Variants in DGKG observed in about 807,000 individuals in gnomAD.
DGKG encodes diacylglycerol kinase gamma, also known as DAG kinase gamma.
DGKG carries 78 observed loss-of-function variants against 105.3 expected under a neutral mutation model. That is an observed-to-expected ratio of 0.74 (90% confidence interval 0.62 to 0.89). The LOEUF is 0.89. Among genes scored for constraint, DGKG ranks in the 40% least tolerant of loss-of-function variants. The pLI, the probability that DGKG is intolerant of heterozygous loss-of-function variation, is 0.00. For synonymous variants in DGKG, 346 were observed against 367.1 expected, an observed-to-expected ratio of 0.94 and a Z score of 0.66; for missense variants, 958 against 1,020.1, an observed-to-expected ratio of 0.94 and a Z score of 0.83.
intron 20 of DGKG, among the ~76,000 whole-genome samples, chr3:186,213,252 C>T (rs1247203330): frequency 6.6e-6 from 1 of 152,238 alleles, no homozygotes; most frequent in East Asian, 1.9e-4. Flanking sequence ...CAGACCGGTG[C>T]TTCTCAACCC....
chr3:186,160,909 T>C, intron 24 of DGKG: 6 of 985,466 alleles, frequency 6.1e-6, no homozygotes, highest in Non-Finnish European at 7.2e-6. Flanking sequence ...GGAATGGAGA[T>C]AGTCTATTTT....
chr3:186,245,400 G>A (rs1032415565), intron 19 of DGKG, among the ~76,000 whole-genome samples: 3 of 152,116 alleles, frequency 2.0e-5, no homozygotes, highest in Admixed American at 6.5e-5. Context: ...AAAGAGAGTC[G>A]AGATTCACTT....
At chr3:186,301,929 G>A (rs189870957) in intron 3 of DGKG, among the ~76,000 whole-genome samples, 12 of 152,182 alleles carry the variant, frequency 7.9e-5, no homozygotes, top group African/African-American at 2.2e-4. Flanking sequence ...CCCCATGTGC[G>A]TGTATGCACT....
chr3:186,354,873 C>T, intron 1 of DGKG, among the ~76,000 whole-genome samples: 1 of 152,100 alleles, frequency 6.6e-6, no homozygotes, highest in East Asian at 1.9e-4. Flanking sequence ...CCAGGCAGGG[C>T]ACTTATTATG....
chr3:186,297,989 G>A, intron 4 of DGKG, 75 bp downstream of exon 4: 1 of 1,508,812 alleles, frequency 6.6e-7, no homozygotes, highest in Non-Finnish European at 8.9e-7. Context: ...GGACCCTCTA[G>A]GAATGCAGTC....
chr3:186,310,562 A>G (rs934251719), intron 2 of DGKG, among the ~76,000 whole-genome samples: 5 of 152,196 alleles, frequency 3.3e-5, no homozygotes, highest in African/African-American at 1.2e-4. Flanking sequence ...ATGCATGACT[A>G]ATCTGCTTCA....
Position 186,147,346 on chromosome 3 carries a change from C to G in DGKG, c.*2744G>C. On this transcript the variant is annotated 3_prime_UTR_variant, in exon 25 of 25. Transcript: ENST00000265022. ...CTAACCATGTGGCTTTGAGAAGTCACTAAACCTCATTAAGCCTTGTTCTCC... is the reference window on the plus strand; with the variant it reads ...CTAACCATGTGGCTTTGAGAAGTCAGTAAACCTCATTAAGCCTTGTTCTCC... 1 of 982,420 alleles carries G rather than the reference C, an allele frequency of 1.0e-6. No homozygotes were observed. The highest frequency in any genetic ancestry group is 1.2e-6 in the Non-Finnish European group (1 of 826,826). 60.9% of individuals were successfully genotyped at this position (982,420 alleles called of 1,614,324 possible).
chr3:186,310,698 T>C (rs1393042729), intron 2 of DGKG, among the ~76,000 whole-genome samples: 1 of 152,216 alleles, frequency 6.6e-6, no homozygotes, highest in Non-Finnish European at 1.5e-5. Context: ...AATTCCTTTG[T>C]CAAAGCCTTT....
At chr3:186,302,470 A>G (rs1245917459) in intron 3 of DGKG, among the ~76,000 whole-genome samples, 7 of 10,364 alleles carry the variant, frequency 6.8e-4, no homozygotes, top group East Asian at 4.4e-3. Flanking sequence ...CTATATATAT[A>G]TATATATATA....
chr3:186,163,979 G>A (rs901091079), intron 23 of DGKG, among the ~76,000 whole-genome samples: 1 of 152,122 alleles, frequency 6.6e-6, no homozygotes, highest in African/African-American at 2.4e-5. Flanking sequence ...TGAAGAAAAG[G>A]GGTCAGTGGA....
intron 21 of DGKG, among the ~76,000 whole-genome samples, chr3:186,193,741 C>G (rs114922032): frequency 0.028 from 4,327 of 152,332 alleles, 218 homozygotes; most frequent in African/African-American, 0.099. Context: ...GGCGGGTTCC[C>G]GAGCTAAATC....
At chr3:186,308,072 C>T (rs976218329) in intron 2 of DGKG, among the ~76,000 whole-genome samples, 1 of 152,078 alleles carries the variant, frequency 6.6e-6, no homozygotes, top group Non-Finnish European at 1.5e-5. Flanking sequence ...CTCCACCCCC[C>T]GCCATGATTT....
chr3:186,213,287 G>A (rs1719125592), intron 20 of DGKG, among the ~76,000 whole-genome samples: 1 of 152,246 alleles, frequency 6.6e-6, no homozygotes. Context: ...AGGCGTACCT[G>A]GGATGTCAGT....
At chr3:186,200,689 G>T (rs1473669413) in intron 21 of DGKG, among the ~76,000 whole-genome samples, 2 of 152,158 alleles carry the variant, frequency 1.3e-5, no homozygotes, top group Non-Finnish European at 2.9e-5. Context: ...TGTCCGCCCT[G>T]GTGTGTGCTC....
At chr3:186,346,445 TC>T (rs1726334030) in intron 1 of DGKG, among the ~76,000 whole-genome samples, 1 of 152,226 alleles carries the variant, frequency 6.6e-6, no homozygotes, top group African/African-American at 2.4e-5. Context: ...TATTATTTAC[TC>T]CCTTATTTTA....
intron 24 of DGKG, among the ~76,000 whole-genome samples, chr3:186,156,722 A>G (rs1716053536): frequency 6.6e-6 from 1 of 151,288 alleles, no homozygotes; most frequent in Non-Finnish European, 1.5e-5. Flanking sequence ...TACACAGTTC[A>G]GTTTAGTATT....
chr3:186,249,832 AAAAACAAAAC>A (rs10693756), intron 19 of DGKG, among the ~76,000 whole-genome samples: 1 of 151,764 alleles, frequency 6.6e-6, no homozygotes, highest in African/African-American at 2.4e-5. Context: ...GACTCGTCTC[AAAAACAAAAC>A]AAAACAAAAC....
At chr3:186,295,973 G>T (rs542463826) in intron 5 of DGKG, among the ~76,000 whole-genome samples, 2 of 152,246 alleles carry the variant, frequency 1.3e-5, no homozygotes, top group African/African-American at 4.8e-5. Flanking sequence ...GCCAGGCGTG[G>T]CAGCACACTC....
rs141868321 is a variant in DGKG at position 186,259,659 on chromosome 3, G to A, written c.1424+780C>T. ...GGTTGGGCAAATGGCTGCGTGCTGG[G>A]CAAGCCCAGCCCAGAGTATGCAGAC... On this transcript the variant is annotated intron_variant, in intron 16 of 24. Transcript: ENST00000265022. Among the ~76,000 whole-genome samples, 491 of 152,182 alleles carry A rather than the reference G, an allele frequency of 3.2e-3. 2 individuals carry two copies. The highest frequency in any genetic ancestry group is 0.01 in the African/African-American group (424 of 41,552).
Sources: allele counts gnomAD v4.1 joint callset (sites outside exome capture counted in the v4.1 genomes callset), GRCh38; gene constraint gnomAD v4.1.1; transcripts MANE v1.5; gene names NCBI Gene and HGNC (gene_info 2026-07-23, HGNC 2026-07-21).